ANKRD26: variants seen among roughly 807,000 people sequenced by gnomAD.
ANKRD26 encodes ankyrin repeat domain 26.
A neutral mutation model predicts 208.7 loss-of-function variants in ANKRD26; 141 were observed. The observed-to-expected ratio is 0.68, with a 90% confidence interval of 0.59 to 0.78. ANKRD26 has a LOEUF of 0.78. ANKRD26 is among the 30% of genes least tolerant of loss of function. The pLI is 0.00. For synonymous variants in ANKRD26, 636 were observed against 660.4 expected (o/e 0.96, Z 0.57); for missense variants, 1,889 against 1,938.7 (o/e 0.97, Z 0.48).
chr10:26,977,363 A>C (rs1281867025), intron 5 of ANKRD26, among the ~76,000 whole-genome samples: 1 of 152,240 alleles, frequency 6.6e-6, no homozygotes, highest in Non-Finnish European at 1.5e-5. Flanking sequence ...CTGGTGGATT[A>C]TAACTTTCAT....
At chr10:27,070,101 T>TAAA (rs34493349) in intron 9 of ANKRD26, among the ~76,000 whole-genome samples, 14 of 109,116 alleles carry the variant, frequency 1.3e-4, no homozygotes, top group Admixed American at 3.8e-4. Flanking sequence ...ACTCTGTATT[T>TAAA]AAAAAAAAAA....
At position 27,028,954 on chromosome 10, in the gene ANKRD26, T is replaced by C. The variant is rs2053771258; in HGVS notation, c.3879-9A>G. ...CATTATCTTTTTCAAGCCTGAAATG[T>C]ATATTTTAAAATAATTATTCTCACA... On this transcript the variant is annotated splice_polypyrimidine_tract_variant and intron_variant, in intron 26 of 33. Coordinates refer to ENST00000376087, the MANE Select transcript of ANKRD26 (RefSeq NM_014915.3). The C allele has an allele frequency of 6.3e-7, 1 of 1,589,278 alleles. No homozygotes were observed. Among genetic ancestry groups the C allele is most frequent in the Non-Finnish European group, 8.6e-7 (1 of 1,161,102 alleles).
At chr10:27,058,338 T>C (rs1392950731) in intron 15 of ANKRD26, among the ~76,000 whole-genome samples, 1 of 152,206 alleles carries the variant, frequency 6.6e-6, no homozygotes, top group Non-Finnish European at 1.5e-5. Context: ...ATTTTCACTC[T>C]CATTTTCTGA....
In ANKRD26 at chr10:27,017,578, T is replaced by A; in HGVS notation, c.4430A>T (p.Gln1477Leu). The change falls in exon 30 of 34, where the codon CAG becomes CTG. Residue 1477 changes from glutamine to leucine, a missense_variant. Gln to Leu is a moderately radical substitution (Grantham distance 113). This residue lies in a region of ANKRD26 where 613 missense variants were observed against 648.2 expected (regional missense o/e 0.95). Coordinates refer to ENST00000376087, the MANE Select transcript of ANKRD26 (RefSeq NM_014915.3). ...RNMVELGQVK[Q>L]YKQEIEERAR... ...TCTTTCTTCAATCTCCTGTTTATAC[T>A]GTTTGACTTGACCAAGTTCTACCAT... is the stretch of plus-strand genomic sequence containing the variant. 1 of 1,613,738 alleles carries A rather than the reference T, an allele frequency of 6.2e-7. No homozygotes were observed. Among genetic ancestry groups the A allele is most frequent in the African/African-American group, 1.3e-5 (1 of 75,046 alleles).
intron 6 of ANKRD26, 118 bp downstream of exon 6, chr10:27,082,685 T>C (rs1249551203): frequency 1.2e-5 from 17 of 1,399,340 alleles, no homozygotes; most frequent in Admixed American, 8.0e-5. Context: ...TTTGCAAAGC[T>C]GTTGGGACGA....
chr10:26,963,902 G>GTTTTTTTTTTTTTTTTTTTTTTTTTTTTT, the ANKRD26 span, among the ~76,000 whole-genome samples: 1 of 66,974 alleles, frequency 1.5e-5, no homozygotes, highest in Non-Finnish European at 3.0e-5. Context: ...ATGGTTGGTT[G>GTTTTTTTTTTTTTTTTTTTTTTTTTTTTT]GTTTTTTTTT....
intron 3 of ANKRD26, among the ~76,000 whole-genome samples, chr10:26,985,770 G>T (rs2052376165): frequency 6.6e-6 from 1 of 152,114 alleles, no homozygotes; most frequent in South Asian, 2.1e-4. Flanking sequence ...CCAAAGTCAT[G>T]AGCAACACCA....
chr10:27,037,570 T>C (rs1279832648), intron 22 of ANKRD26, among the ~76,000 whole-genome samples: 2 of 152,200 alleles, frequency 1.3e-5, no homozygotes, highest in Non-Finnish European at 2.9e-5. Context: ...CAAAACATTT[T>C]ACTAGTTTCA....
downstream of ANKRD26, among the ~76,000 whole-genome samples, chr10:27,000,932 C>CCGG (rs2052709118): frequency 6.6e-6 from 1 of 152,152 alleles, no homozygotes; most frequent in Non-Finnish European, 1.5e-5. Context: ...GGCGTGAACC[C>CCGG]AGGAGGCGGA....
Position 27,092,385 on chromosome 10 carries a change from A to G in ANKRD26, c.638+21T>C, listed in dbSNP as rs1485115597. The G allele has an allele frequency of 1.1e-5, 18 of 1,572,858 alleles. No individual in the cohort carries two copies. The Admixed American group carries it at 3.1e-4, about 27-fold the overall frequency. On this transcript the variant is annotated intron_variant, in intron 4 of 33. Coordinates refer to ENST00000376087, the MANE Select transcript of ANKRD26 (RefSeq NM_014915.3). ...TTAAACATACAAGTTTAAAAATCCA[A>G]AACAAAACCAGCTACTGTACCTTTC...
At chr10:26,974,124 A>T (rs909836515) in exon 6 of ANKRD26, among the ~76,000 whole-genome samples, 2 of 152,158 alleles carry the variant, frequency 1.3e-5, no homozygotes, top group Non-Finnish European at 2.9e-5. Flanking sequence ...TGAGTTAATA[A>T]GACCTAAATT....
At chr10:27,078,139 T>G (rs1036331012) in intron 7 of ANKRD26, among the ~76,000 whole-genome samples, 1 of 152,210 alleles carries the variant, frequency 6.6e-6, no homozygotes, top group African/African-American at 2.4e-5. Flanking sequence ...TTGTTCTTAG[T>G]ATATTTTATG....
At chr10:27,069,267 A>G (rs2135514249) in intron 9 of ANKRD26, among the ~76,000 whole-genome samples, 1 of 150,152 alleles carries the variant, frequency 6.7e-6, no homozygotes. Flanking sequence ...GAACTTGGTG[A>G]GTGACTGGAT....
rs189504997 is a variant in ANKRD26, at chr10:27,042,415, G to C, written c.2161+1011C>G. Reference sequence around the variant, plus strand: ...GCAGATCACTTGAGGTCGGGAGTTTGAGACCAGCCTGGCCAACATGATGAA... The same window carrying C: ...GCAGATCACTTGAGGTCGGGAGTTTCAGACCAGCCTGGCCAACATGATGAA... On this transcript the variant is annotated intron_variant, in intron 20 of 33. Transcript: ENST00000376087. 3.9e-5 allele frequency among the ~76,000 whole-genome samples: 6 copies of C among 152,236 alleles called. No homozygotes were observed. The East Asian group carries it at 9.7e-4, about 25-fold the overall frequency.
intron 15 of ANKRD26, among the ~76,000 whole-genome samples, chr10:27,059,432 T>C (rs759923860): frequency 7.5e-4 from 114 of 152,296 alleles, no homozygotes; most frequent in Non-Finnish European, 1.4e-3. Flanking sequence ...ACAAATTCTA[T>C]GTATTATTTA....
chr10:27,010,111 T>C lies in ANKRD26; in HGVS notation c.4953+2771A>G, dbSNP rs73596344. Among the ~76,000 whole-genome samples the C allele has an allele frequency of 4.0e-3, 611 of 152,318 alleles. 7 individuals are homozygous for C. The highest frequency in any genetic ancestry group is 0.014 in the African/African-American group (577 of 41,552). On this transcript the variant is annotated intron_variant, in intron 32 of 33. Transcript: ENST00000376087. ...CTCTACTTCTATCTGTTTTATGTAATATAGTTTCATGCCATTTTTTAAAAG... is the reference window on the plus strand; with the variant it reads ...CTCTACTTCTATCTGTTTTATGTAACATAGTTTCATGCCATTTTTTAAAAG...
intron 17 of ANKRD26, among the ~76,000 whole-genome samples, chr10:27,047,267 T>TA (rs1212653057): frequency 1.3e-5 from 2 of 152,176 alleles, no homozygotes; most frequent in Non-Finnish European, 2.9e-5. Flanking sequence ...AGAATACCTA[T>TA]ATGTCATTAT....
At chr10:26,966,489 G>C in the ANKRD26 span, among the ~76,000 whole-genome samples, 21 of 152,182 alleles carry the variant, frequency 1.4e-4, no homozygotes, top group South Asian at 4.2e-4. Context: ...TGACAGGTAG[G>C]GGGTGAGGGG....
At chr10:26,951,013 C>CTTTTCTTTTTTTTTTTTT in the ANKRD26 span, among the ~76,000 whole-genome samples, 24 of 100,920 alleles carry the variant, frequency 2.4e-4, 1 homozygote, top group East Asian at 1.4e-3. Flanking sequence ...CTTTTCTTTT[C>CTTTTCTTTTTTTTTTTTT]TTTTTCTTTT....
Sources: gnomAD v4.1 joint callset for allele counts (sites outside exome capture counted in the v4.1 genomes callset) on GRCh38, gnomAD v4.1.1 for gene constraint, gnomAD v4.1.1 regional missense constraint, MANE v1.5 for transcripts, NCBI Gene and HGNC (gene_info 2026-07-23, HGNC 2026-07-21) for gene names.